Variants in RIMS2 observed in about 807,000 individuals in gnomAD.
The protein encoded by RIMS2 is regulating synaptic membrane exocytosis 2.
In RIMS2, 59 loss-of-function variants were observed where a neutral mutation model predicts 174.4. The ratio of observed to expected loss-of-function variants is 0.34; its 90% confidence interval spans 0.27 to 0.42. RIMS2 has a LOEUF of 0.42. RIMS2 is among the 10% of genes least tolerant of loss of function. The probability of loss-of-function intolerance (pLI) is 1.00; values close to 1 mark genes in which losing one functional copy is unlikely to be tolerated. For synonymous variants in RIMS2, 606 were observed against 572.5 expected (o/e 1.06, Z -0.84); for missense variants, 1,620 against 1,666.3 (o/e 0.97, Z 0.48).
chr8:103,892,304 G>A (rs2099251037), intron 4 of RIMS2, among the ~76,000 whole-genome samples: 1 of 151,614 alleles, frequency 6.6e-6, no homozygotes, highest in East Asian at 2.0e-4. Context: ...TTGGGCTCAA[G>A]AAATCCTTCT....
At chr8:103,962,387 C>A (rs2090423821) in intron 15 of RIMS2, among the ~76,000 whole-genome samples, 1 of 152,132 alleles carries the variant, frequency 6.6e-6, no homozygotes, top group Non-Finnish European at 1.5e-5. Context: ...AACCCTACCC[C>A]ACTCAAAGTG....
intron 23 of RIMS2, 65 bp downstream of exon 29, chr8:104,251,228 C>A: frequency 2.3e-6 from 3 of 1,322,052 alleles, no homozygotes; most frequent in South Asian, 1.4e-5. Context: ...ACATTATACC[C>A]CAAATCTTTT....
intron 19 of RIMS2, among the ~76,000 whole-genome samples, chr8:104,041,631 TGTATGTATGC>T (rs1207472695): frequency 6.6e-6 from 1 of 151,692 alleles, no homozygotes; most frequent in Non-Finnish European, 1.5e-5. Flanking sequence ...AAATAGGATG[TGTATGTATGC>T]GTATGTATAT....
At chr8:104,225,783 C>T (rs562368464) in intron 19 of RIMS2, among the ~76,000 whole-genome samples, 5 of 152,104 alleles carry the variant, frequency 3.3e-5, no homozygotes, top group South Asian at 4.2e-4. Context: ...TGGGAAACGG[C>T]GTTTTTAAAG....
chr8:104,075,537 T>C (rs966540999), intron 19 of RIMS2, among the ~76,000 whole-genome samples: 22 of 152,240 alleles, frequency 1.4e-4, no homozygotes, highest in African/African-American at 5.3e-4. Flanking sequence ...TATCTTGTAC[T>C]GATGAAGATG....
At chr8:103,528,865 A>C (rs1586853201) in intron 1 of RIMS2, among the ~76,000 whole-genome samples, 1 of 152,090 alleles carries the variant, frequency 6.6e-6, no homozygotes, top group Admixed American at 6.6e-5. Flanking sequence ...GGATTGACTT[A>C]GCAATGTGGG....
chr8:104,107,814 G>A (rs966284497), intron 19 of RIMS2, among the ~76,000 whole-genome samples: 1 of 152,164 alleles, frequency 6.6e-6, no homozygotes, highest in Non-Finnish European at 1.5e-5. Context: ...CCCTGTGATG[G>A]CACATGCCAA....
intron 1 of RIMS2, among the ~76,000 whole-genome samples, chr8:103,597,225 T>G (rs1183522626): frequency 6.6e-6 from 1 of 152,172 alleles, no homozygotes; most frequent in South Asian, 2.1e-4. Context: ...TCTTTAACTA[T>G]AGTGAGTTTT....
chr8:104,000,790 T>C (rs2095350754), intron 17 of RIMS2, among the ~76,000 whole-genome samples: 1 of 152,016 alleles, frequency 6.6e-6, no homozygotes, highest in Non-Finnish European at 1.5e-5. Flanking sequence ...TGGTTTTGAT[T>C]TGCATTTCTC....
chr8:103,652,356 C>T (rs974307643), intron 1 of RIMS2, 119 bp downstream of exon 2: 3 of 556,178 alleles, frequency 5.4e-6, no homozygotes, highest in Non-Finnish European at 9.3e-6. Context: ...CTTCTGCTTT[C>T]TGACTCTCTG....
At chr8:104,142,120 C>CTT (rs71297257) in intron 19 of RIMS2, among the ~76,000 whole-genome samples, 1,684 of 131,968 alleles carry the variant, frequency 0.013, 38 homozygotes, top group African/African-American at 0.041. Flanking sequence ...AAATATCTTC[C>CTT]TTTTTTTTTT....
chr8:104,011,367 A>T (rs1002653035), intron 17 of RIMS2, among the ~76,000 whole-genome samples: 17 of 152,106 alleles, frequency 1.1e-4, no homozygotes, highest in Non-Finnish European at 2.2e-4. Context: ...TATTTAATAT[A>T]TACTTTGTAT....
intron 1 of RIMS2, among the ~76,000 whole-genome samples, chr8:103,626,114 G>C (rs1362671066): frequency 1.3e-5 from 2 of 151,946 alleles, no homozygotes; most frequent in African/African-American, 4.8e-5. Context: ...ACTTTAGATG[G>C]TACATTATCT....
chr8:103,770,020 A>T (rs1405852424), intron 3 of RIMS2, among the ~76,000 whole-genome samples: 1 of 152,168 alleles, frequency 6.6e-6, no homozygotes, highest in African/African-American at 2.4e-5. Context: ...TTTAAAGAGT[A>T]TTTCTTTTAT....
chr8:104,190,885 T>C (rs1451105002), intron 19 of RIMS2, among the ~76,000 whole-genome samples: 1 of 152,042 alleles, frequency 6.6e-6, no homozygotes, highest in Admixed American at 6.6e-5. Flanking sequence ...ATTCCTCCAA[T>C]CTCACTTTAA....
intron 2 of RIMS2, among the ~76,000 whole-genome samples, chr8:103,707,502 C>T (rs1449298609): frequency 1.3e-5 from 2 of 152,190 alleles, no homozygotes; most frequent in Non-Finnish European, 2.9e-5. Flanking sequence ...GCACTCTAAG[C>T]CCATGTGTGC....
intron 19 of RIMS2, among the ~76,000 whole-genome samples, chr8:104,219,574 A>G (rs1188468628): frequency 6.6e-6 from 1 of 152,232 alleles, no homozygotes; most frequent in Non-Finnish European, 1.5e-5. Context: ...ATGATAGTTT[A>G]TCCAAGTTAT....
intron 19 of RIMS2, among the ~76,000 whole-genome samples, chr8:104,152,238 C>T (rs1283591343): frequency 6.6e-6 from 1 of 152,110 alleles, no homozygotes; most frequent in Non-Finnish European, 1.5e-5. Context: ...TATTACATAG[C>T]AAATGATAAA....
intron 1 of RIMS2, chr8:103,568,984 G>T: frequency 1.8e-6 from 1 of 559,060 alleles, no homozygotes; most frequent in Non-Finnish European, 3.2e-6. Flanking sequence ...TGATCACCGT[G>T]TTCCTATCGC....
Sources: gnomAD v4.1 joint callset for allele counts (sites outside exome capture counted in the v4.1 genomes callset) on GRCh38, gnomAD v4.1.1 for gene constraint, MANE v1.5 for transcripts, NCBI Gene and HGNC (gene_info 2026-07-23, HGNC 2026-07-21) for gene names.